MTA3: variants seen among roughly 807,000 people sequenced by gnomAD.
MTA3 encodes metastasis-associated protein MTA3.
Under a neutral mutation model 83.5 loss-of-function variants are expected in MTA3, and 34 were observed. The ratio of observed to expected loss-of-function variants is 0.41; its 90% CI spans 0.31 to 0.54. MTA3 has a LOEUF of 0.54. MTA3 is among the 20% of genes least tolerant of loss of function. The pLI is 0.33. For missense variants in MTA3, 761 were observed against 726.4 expected (o/e 1.05, Z -0.55); for synonymous variants, 303 against 252.7 (o/e 1.20, Z -1.89).
chr2:42,595,606 C>T (rs567060610), intron 3 of MTA3, among the ~76,000 whole-genome samples: 6 of 152,168 alleles, frequency 3.9e-5, no homozygotes, highest in African/African-American at 1.4e-4. Flanking sequence ...TACATTTTTC[C>T]GTGACTTCTT....
chr2:42,735,507 C>T (rs1336837059), intron 16 of MTA3, among the ~76,000 whole-genome samples: 2 of 152,038 alleles, frequency 1.3e-5, no homozygotes, highest in African/African-American at 2.4e-5. Flanking sequence ...TGATATCTTT[C>T]TCTAGGTTTG....
chr2:42,608,689 C>T (rs1308508470), intron 3 of MTA3, among the ~76,000 whole-genome samples: 1 of 152,108 alleles, frequency 6.6e-6, no homozygotes, highest in African/African-American at 2.4e-5. Flanking sequence ...TCGAGACCAG[C>T]CTGGGCAACA....
At position 42,640,241 on chromosome 2, in the gene MTA3, T is replaced by C; in HGVS notation, c.381+5T>C. ...TTGTCATATCTTGATAAGGAGGTAA[T>C]TCACAATCATAGTTGTTTTGTTTTT... On this transcript the variant is annotated splice_donor_5th_base_variant and intron_variant, in intron 5 of 16. Coordinates refer to ENST00000405094, the MANE Select transcript of MTA3 (RefSeq NM_001330442.2). 1 of 1,595,740 alleles carries C rather than the reference T, an allele frequency of 6.3e-7. No homozygotes were observed. The highest frequency in any genetic ancestry group is 8.5e-7 in the Non-Finnish European group (1 of 1,170,170).
intron 2 of MTA3, among the ~76,000 whole-genome samples, chr2:42,504,760 G>A (rs1674553013): frequency 6.6e-6 from 1 of 151,490 alleles, no homozygotes; most frequent in Admixed American, 6.6e-5. Flanking sequence ...TCTTCCCAAA[G>A]TGCTGGGATT....
At chr2:42,513,607 T>C (rs959038049) in intron 2 of MTA3, among the ~76,000 whole-genome samples, 1 of 152,092 alleles carries the variant, frequency 6.6e-6, no homozygotes, top group African/African-American at 2.4e-5. Context: ...TCAGAAGTAG[T>C]ATTTGGCCAG....
rs1381927089 is a variant in MTA3, at chr2:42,549,589, TATATAC to T, written c.-140-20836_-140-20831del. On this transcript the variant is annotated intron_variant, in intron 2 of 17. Coordinates refer to the MTA3 transcript ENST00000405592. ...TATACATATATAATATATAATATATTATATACATATACATATATAATATATAATATA... is the reference window on the plus strand; with the variant it reads ...TATACATATATAATATATAATATATTATATACATATATAATATATAATATA... Among the ~76,000 whole-genome samples the T allele has an allele frequency of 8.5e-5, 10 of 118,246 alleles. No homozygotes were observed. In the South Asian group the frequency reaches 1.5e-3, roughly 18 times the overall value. The allele number at this position is 118,246 out of a possible 152,430, so 77.6% of individuals were successfully genotyped here.
intron 2 of MTA3, among the ~76,000 whole-genome samples, chr2:42,517,461 T>C (rs1558408938): frequency 6.7e-6 from 1 of 150,144 alleles, no homozygotes; most frequent in African/African-American, 2.5e-5. Flanking sequence ...TAATCCCAGC[T>C]ACTCAGGAGG....
At chr2:42,723,555 A>G (rs1667585674) in intron 16 of MTA3, among the ~76,000 whole-genome samples, 1 of 152,222 alleles carries the variant, frequency 6.6e-6, no homozygotes, top group Non-Finnish European at 1.5e-5. Flanking sequence ...AATTTGCTTG[A>G]AATGGAAAAA....
At chr2:42,544,967 C>T (rs897283602) in intron 2 of MTA3, among the ~76,000 whole-genome samples, 2 of 152,182 alleles carry the variant, frequency 1.3e-5, no homozygotes, top group African/African-American at 4.8e-5. Context: ...CCTTAAACAG[C>T]CCATTCTTTG....
intron 9 of MTA3, among the ~76,000 whole-genome samples, chr2:42,695,451 A>T (rs1312676693): frequency 6.6e-6 from 1 of 151,858 alleles, no homozygotes; most frequent in Non-Finnish European, 1.5e-5. Context: ...CCTAACCAAC[A>T]TGGTGAAACC....
At chr2:42,634,792 G>A (rs540968580) in intron 4 of MTA3, among the ~76,000 whole-genome samples, 7 of 152,098 alleles carry the variant, frequency 4.6e-5, no homozygotes, top group African/African-American at 1.7e-4. Context: ...CATTTATACT[G>A]TTCTTATATT....
chr2:42,614,911 A>G (rs765230007), intron 4 of MTA3, among the ~76,000 whole-genome samples: 3 of 151,476 alleles, frequency 2.0e-5, no homozygotes, highest in Non-Finnish European at 4.4e-5. Context: ...CAGGAGTTCA[A>G]GGCTATAGTG....
At chr2:42,670,395 C>G (rs1690687982) in intron 8 of MTA3, among the ~76,000 whole-genome samples, 1 of 152,084 alleles carries the variant, frequency 6.6e-6, no homozygotes, top group African/African-American at 2.4e-5. Context: ...TTATTATTGT[C>G]AAATGACACA....
At chr2:42,706,678 C>A (rs963622531) in intron 12 of MTA3, among the ~76,000 whole-genome samples, 8 of 152,190 alleles carry the variant, frequency 5.3e-5, no homozygotes, top group African/African-American at 1.9e-4. Flanking sequence ...TCTTAAACTT[C>A]AGATCTATCA....
At chr2:42,651,704 C>G (rs752644751) in intron 6 of MTA3, among the ~76,000 whole-genome samples, 1 of 150,036 alleles carries the variant, frequency 6.7e-6, no homozygotes, top group African/African-American at 2.5e-5. Context: ...AGGCTGAGGC[C>G]GGAGAATCAC....
intron 2 of MTA3, among the ~76,000 whole-genome samples, chr2:42,562,713 G>A (rs547217286): frequency 6.6e-6 from 1 of 152,294 alleles, no homozygotes; most frequent in South Asian, 2.1e-4. Flanking sequence ...TGGGGCCAGG[G>A]TTTGGCTTAT....
At chr2:42,635,867 G>C (rs1435473047) in intron 4 of MTA3, among the ~76,000 whole-genome samples, 1 of 151,984 alleles carries the variant, frequency 6.6e-6, no homozygotes, top group African/African-American at 2.4e-5. Flanking sequence ...CCAGGTTCAA[G>C]CAGTTCTTGT....
chr2:42,566,164 A>G (rs887650441), upstream of MTA3, among the ~76,000 whole-genome samples: 6 of 152,178 alleles, frequency 3.9e-5, no homozygotes, highest in African/African-American at 1.4e-4. Flanking sequence ...GGGCTGGTTG[A>G]TGACAAGTTT....
chr2:42,553,476 C>T (rs898675120), intron 2 of MTA3, among the ~76,000 whole-genome samples: 2 of 149,730 alleles, frequency 1.3e-5, no homozygotes, highest in African/African-American at 2.5e-5. Flanking sequence ...TGGCTCATAC[C>T]TGTAATCCTA....
Sources: gnomAD v4.1 joint callset for allele counts (sites outside exome capture counted in the v4.1 genomes callset) on GRCh38, gnomAD v4.1.1 for gene constraint, MANE v1.5 for transcripts, NCBI Gene and HGNC (gene_info 2026-07-23, HGNC 2026-07-21) for gene names.